DMD: variants seen among roughly 807,000 people sequenced by gnomAD.
The protein encoded by DMD is mutant dystrophin.
In DMD, 63 loss-of-function variants were observed where a neutral mutation model predicts 330.1. The observed-to-expected ratio is 0.19, with a 90% confidence interval of 0.16 to 0.24. The LOEUF (loss-of-function observed/expected upper bound fraction) is 0.24, where lower values mean the gene tolerates loss of function less well. Ranked by LOEUF, DMD falls within the 10% of genes least tolerant of loss-of-function variation. The pLI, the probability that DMD is intolerant of heterozygous loss-of-function variation, is 1.00. For synonymous variants in DMD, 1,223 were observed against 959.8 expected, an observed-to-expected ratio of 1.27 and a Z score of -5.07; for missense variants, 3,344 against 2,684.1, an observed-to-expected ratio of 1.25 and a Z score of -5.43.
At position 31,514,978 on chromosome X, in the gene DMD, T is replaced by C. The variant is rs148259860; in HGVS notation, c.8218-7525A>G. On this transcript the variant is annotated intron_variant, in intron 55 of 78. Coordinates refer to ENST00000357033, the MANE Select transcript of DMD (RefSeq NM_004006.3). ...ACTGCTTAAACCAAGTAGAATAAAG[T>C]CTTCCTTTAGGAAGCCACCGAGAAT... Among the ~76,000 whole-genome samples the C allele has an allele frequency of 4.8e-3, 528 of 110,085 alleles. 3 individuals are homozygous for C. Among genetic ancestry groups the C allele is most frequent in the African/African-American group, 0.017 (501 of 30,297 alleles).
intron 52 of DMD, among the ~76,000 whole-genome samples, chrX:31,707,881 TA>T (rs1201683284): frequency 9.1e-6 from 1 of 110,020 alleles, no homozygotes; most frequent in Admixed American, 9.7e-5. Context: ...AGTAAAGAAA[TA>T]AACAATGATT....
At chrX:33,308,630 T>C (rs1030113159) in intron 1 of DMD, among the ~76,000 whole-genome samples, 1 of 111,887 alleles carries the variant, frequency 8.9e-6, no homozygotes, top group Admixed American at 9.6e-5. Flanking sequence ...CAATTGAGTG[T>C]TTTCCAAAGG....
intron 63 of DMD, among the ~76,000 whole-genome samples, chrX:31,228,279 A>T (rs1257015552): frequency 5.6e-5 from 6 of 106,732 alleles, no homozygotes; most frequent in African/African-American, 2.1e-4. Flanking sequence ...AAAAAATAAA[A>T]AAAAAAAAAA....
intron 50 of DMD, among the ~76,000 whole-genome samples, chrX:31,811,569 G>A (rs1480776634): frequency 1.8e-5 from 2 of 112,199 alleles, no homozygotes; most frequent in Non-Finnish European, 3.8e-5. Context: ...TCTTGGGATA[G>A]GGTTTAAAAT....
chrX:31,753,169 G>A (rs988204402), intron 51 of DMD, among the ~76,000 whole-genome samples: 1 of 111,962 alleles, frequency 8.9e-6, no homozygotes, highest in African/African-American at 3.2e-5. Flanking sequence ...GTGTGAGGGA[G>A]GTGGCGAGGC....
intron 20 of DMD, among the ~76,000 whole-genome samples, chrX:32,488,247 G>T (rs925288607): frequency 1.5e-4 from 17 of 111,660 alleles, no homozygotes; most frequent in African/African-American, 5.5e-4. Flanking sequence ...TGGTTTAGTT[G>T]GTCCTCCAGA....
At position 32,291,693 on chromosome X, in the gene DMD, GC is replaced by G. The variant is rs1460574459; in HGVS notation, c.6118-3993del. On this transcript the variant is annotated intron_variant, in intron 42 of 78. Coordinates refer to ENST00000357033, the MANE Select transcript of DMD (RefSeq NM_004006.3). ...AGATGAAGAGGTTCCATGGTTACAT[GC>G]TTGTGTATGTGTGCATAAGTGATCA... 2.7e-5 allele frequency among the ~76,000 whole-genome samples: 3 copies of G among 111,752 alleles called. No individual in the cohort carries two copies. In the Admixed American group the frequency reaches 2.9e-4, roughly 11 times the overall value.
At chrX:31,455,015 T>C (rs937023011) in intron 59 of DMD, among the ~76,000 whole-genome samples, 11 of 102,718 alleles carry the variant, frequency 1.1e-4, no homozygotes, top group Non-Finnish European at 1.6e-4. Context: ...CTCAAACTCC[T>C]GGGCTCAAGT....
intron 16 of DMD, among the ~76,000 whole-genome samples, chrX:32,556,749 A>C (rs2050349047): frequency 9.0e-6 from 1 of 111,541 alleles, no homozygotes; most frequent in African/African-American, 3.3e-5. Context: ...TTCTTAATTG[A>C]AACTTTTAAC....
chrX:31,276,466 A>G (rs1214401796), intron 62 of DMD, among the ~76,000 whole-genome samples: 1 of 112,043 alleles, frequency 8.9e-6, no homozygotes, highest in Non-Finnish European at 1.9e-5. Flanking sequence ...AAGGATGTGG[A>G]GCAACTACAA....
chrX:32,076,859 C>T (rs1429689501), intron 44 of DMD, among the ~76,000 whole-genome samples: 3 of 111,094 alleles, frequency 2.7e-5, no homozygotes, highest in African/African-American at 9.8e-5. Flanking sequence ...AGGGGTTCTG[C>T]AAACTGCACT....
At chrX:32,998,551 C>T (rs35030756) in intron 2 of DMD, among the ~76,000 whole-genome samples, 5 of 109,389 alleles carry the variant, frequency 4.6e-5, no homozygotes, top group Admixed American at 4.0e-4. Context: ...ATTTACCTGA[C>T]TTGAGCTAAC....
At chrX:31,577,004 C>T (rs370070992) in intron 55 of DMD, among the ~76,000 whole-genome samples, 217 of 111,809 alleles carry the variant, frequency 1.9e-3, no homozygotes, top group African/African-American at 6.6e-3. Flanking sequence ...CGTGAGCCAC[C>T]GCGCCCGGCC....
intron 62 of DMD, among the ~76,000 whole-genome samples, chrX:31,296,430 A>C (rs139965808): frequency 0.013 from 1,424 of 111,816 alleles, 21 homozygotes; most frequent in African/African-American, 0.044. Context: ...AATCCAATGG[A>C]TGATGGTTTC....
intron 34 of DMD, among the ~76,000 whole-genome samples, chrX:32,376,517 A>G (rs890602949): frequency 9.0e-6 from 1 of 110,878 alleles, no homozygotes; most frequent in African/African-American, 3.3e-5. Context: ...CTGCTTGCAC[A>G]TGGACTATGG....
intron 4 of DMD, among the ~76,000 whole-genome samples, chrX:32,832,766 A>T (rs2148905168): frequency 8.9e-6 from 1 of 111,912 alleles, no homozygotes; most frequent in Admixed American, 9.5e-5. Context: ...ATTTTCTTCC[A>T]TTGAGAGATG....
chrX:32,050,520 G>A (rs939063684), intron 44 of DMD, among the ~76,000 whole-genome samples: 16 of 111,659 alleles, frequency 1.4e-4, no homozygotes, highest in African/African-American at 4.5e-4. Context: ...GAATTGAATT[G>A]ATTTCTACAT....
chrX:32,178,337 A>G (rs1191809297), intron 44 of DMD, among the ~76,000 whole-genome samples: 4 of 110,131 alleles, frequency 3.6e-5, no homozygotes, highest in Non-Finnish European at 5.7e-5. Context: ...AATAAATTTT[A>G]TTGTATATAT....
intron 7 of DMD, among the ~76,000 whole-genome samples, chrX:32,796,080 A>G (rs931783522): frequency 9.5e-6 from 1 of 105,340 alleles, no homozygotes; most frequent in Non-Finnish European, 2.0e-5. Context: ...ACATAGAAAT[A>G]GAGTATGTGT....
Sources: gnomAD v4.1 joint callset for allele counts (sites outside exome capture counted in the v4.1 genomes callset) on GRCh38, gnomAD v4.1.1 for gene constraint, MANE v1.5 for transcripts, NCBI Gene and HGNC (gene_info 2026-07-23, HGNC 2026-07-21) for gene names.